Variants in BLOC1S6 observed in about 807,000 individuals in gnomAD.
BLOC1S6 encodes the protein biogenesis of lysosomal organelles complex 1 subunit 6, also known as biogenesis of lysosome-related organelles complex 1 subunit 6.
Under a neutral mutation model 24.7 loss-of-function variants are expected in BLOC1S6, and 24 were observed. The ratio of observed to expected loss-of-function variants is 0.97; its 90% CI spans 0.70 to 1.37. The LOEUF (loss-of-function observed/expected upper bound fraction) is 1.37. Ranked by LOEUF, BLOC1S6 falls within the 40% of genes most tolerant of loss-of-function variation. The pLI is 0.00. For synonymous variants in BLOC1S6, 76 were observed against 72.6 expected (o/e 1.05, Z -0.23); for missense variants, 175 against 196.2 (o/e 0.89, Z 0.64).
chr15:45,594,585 A>G (rs142283984), intron 2 of BLOC1S6, among the ~76,000 whole-genome samples: 88 of 152,206 alleles, frequency 5.8e-4, no homozygotes, highest in African/African-American at 2.1e-3. Flanking sequence ...ATTCTCTGGA[A>G]CTTTCTCCCT....
intron 2 of BLOC1S6, among the ~76,000 whole-genome samples, chr15:45,600,638 G>A (rs970765297): frequency 3.3e-5 from 5 of 152,142 alleles, no homozygotes; most frequent in Non-Finnish European, 7.4e-5. Context: ...CCAGCTTTGC[G>A]TATTTGGCAG....
chr15:45,587,695 G>A (rs747854248), intron 1 of BLOC1S6, 170 bp downstream of exon 1: 3 of 735,544 alleles, frequency 4.1e-6, no homozygotes, highest in Non-Finnish European at 7.2e-6. Context: ...CCTCTGCCCA[G>A]CGCAATGGGC....
chr15:45,602,478 A>G, intron 2 of BLOC1S6: 1 of 547,790 alleles, frequency 1.8e-6, no homozygotes. Flanking sequence ...TGAGTTTTGA[A>G]TTAGAATTGT....
At chr15:45,591,225 T>G (rs1893872818) in intron 1 of BLOC1S6, among the ~76,000 whole-genome samples, 5 of 152,144 alleles carry the variant, frequency 3.3e-5, no homozygotes, top group Admixed American at 2.6e-4. Flanking sequence ...AACACAACCC[T>G]CCTTTTACAT....
chr15:45,602,828 T>A (rs1180519866), intron 2 of BLOC1S6, among the ~76,000 whole-genome samples: 1 of 152,226 alleles, frequency 6.6e-6, no homozygotes, highest in Non-Finnish European at 1.5e-5. Context: ...CAGAGAGTTG[T>A]TAAAAGTAAC....
intron 2 of BLOC1S6, among the ~76,000 whole-genome samples, chr15:45,594,854 G>A (rs1184905645): frequency 1.3e-5 from 2 of 152,142 alleles, no homozygotes; most frequent in African/African-American, 4.8e-5. Context: ...CAGAGTCCTA[G>A]GGTTACAGGT....
chr15:45,600,080 A>G lies in BLOC1S6; in HGVS notation c.225-3020A>G, dbSNP rs1389804026. ...ATCATTCTCAGTAAACTATCGCAAG[A>G]ACAAAAAACCAAACACCGCATATTC... On this transcript the variant is annotated intron_variant, in intron 2 of 4. Coordinates refer to ENST00000220531, the MANE Select transcript of BLOC1S6 (RefSeq NM_012388.4). Among the ~76,000 whole-genome samples the G allele has an allele frequency of 4.7e-5, 7 of 148,290 alleles. No homozygotes were observed. In the South Asian group the frequency reaches 1.5e-3, roughly 32 times the overall value.
chr15:45,587,355 G>T, upstream of BLOC1S6: 1 of 1,306,698 alleles, frequency 7.7e-7, no homozygotes, highest in South Asian at 1.3e-5. Flanking sequence ...AATCTCTTCT[G>T]TCCGGCCAGC....
In BLOC1S6 at chr15:45,587,597, C is replaced by G. The variant is rs189385429; in HGVS notation, c.82+72C>G. The G allele has an allele frequency of 3.5e-5, 49 of 1,413,184 alleles. No homozygotes were observed. In the East Asian group the frequency reaches 9.9e-4, roughly 29 times the overall value. The allele number at this position is 1,413,184 out of a possible 1,614,324, so 87.5% of individuals were successfully genotyped here. On this transcript the variant is annotated intron_variant, in intron 1 of 4. Coordinates refer to ENST00000220531, the MANE Select transcript of BLOC1S6 (RefSeq NM_012388.4). ...GCGGGGACCTGAGTGAGTAGAACTC[C>G]GGAGAAACCCTGGGGGAGTAAGCGG...
At position 45,603,086 on chromosome 15, in the gene BLOC1S6, T is replaced by TA. The variant is rs1894325968; in HGVS notation, c.225-14_225-13insA. On this transcript the variant is annotated splice_polypyrimidine_tract_variant and intron_variant, in intron 2 of 4. Transcript: ENST00000220531. ...ATATGTAGAGTTTGTCTTGGCTGTG[T>TA]GTTTTTGTTTCAGACAGAACCAAGT... The TA allele has an allele frequency of 1.3e-6, 2 of 1,571,360 alleles. No homozygotes were observed. Among genetic ancestry groups the TA allele is most frequent in the Admixed American group, 3.3e-5 (2 of 59,866 alleles).
rs565893319 is a variant in BLOC1S6, at chr15:45,603,246, T to G, written c.312+59T>G. On this transcript the variant is annotated intron_variant, in intron 3 of 4. Coordinates refer to ENST00000220531, the MANE Select transcript of BLOC1S6 (RefSeq NM_012388.4). Reference sequence around the variant, plus strand: ...ATCTTGTCTTAGCAATAGCTAAGACTTAGCTAAGCAATAGCTAAGATTTTA... The same window carrying G: ...ATCTTGTCTTAGCAATAGCTAAGACGTAGCTAAGCAATAGCTAAGATTTTA... 2.0e-4 allele frequency: 220 copies of G among 1,095,388 alleles called. 1 individual carries two copies. In the East Asian group the frequency reaches 5.3e-3, roughly 27 times the overall value. The allele number at this position is 1,095,388 out of a possible 1,614,324, so 67.9% of individuals were successfully genotyped here.
Position 45,606,311 on chromosome 15 carries a change from A to C in BLOC1S6, c.400-84A>C, listed in dbSNP as rs907255220. On this transcript the variant is annotated intron_variant, in intron 4 of 4. Transcript: ENST00000220531. ...TATTAGTGTGAATGAATTACCTCAA[A>C]GCAGAGCACTGTTATTTTCAAATTA... The C allele has an allele frequency of 3.9e-6, 6 of 1,550,062 alleles. No individual in the cohort carries two copies. The African/African-American group carries it at 8.2e-5, about 21-fold the overall frequency.
Position 45,606,786 on chromosome 15 carries a change from A to G in BLOC1S6, c.*272A>G, listed in dbSNP as rs974120434. ...TTATAAACTGGAAAGTGGTTTGATT[A>G]TTGTGAGTCAAAACTCTAAGTGGTT... On this transcript the variant is annotated 3_prime_UTR_variant, in exon 5 of 5. Transcript: ENST00000220531. 1.4e-5 allele frequency: 6 copies of G among 424,294 alleles called. 1 individual carries two copies. The highest frequency in any genetic ancestry group is 1.7e-5 in the Non-Finnish European group (4 of 239,310). 26.3% of individuals were successfully genotyped at this position (424,294 alleles called of 1,614,324 possible). A position where few individuals can be genotyped will look rare whatever the true frequency, so the allele number is the denominator to read the frequency against.
chr15:45,594,308 T>A (rs931001450), intron 2 of BLOC1S6, among the ~76,000 whole-genome samples: 8 of 152,320 alleles, frequency 5.3e-5, no homozygotes, highest in South Asian at 2.1e-4. Context: ...TATATGTATT[T>A]ATCATTTTAA....
chr15:45,604,194 C>T (rs1415723187), intron 3 of BLOC1S6, among the ~76,000 whole-genome samples: 2 of 152,118 alleles, frequency 1.3e-5, no homozygotes, highest in Non-Finnish European at 2.9e-5. Flanking sequence ...CGTAGCAAGA[C>T]CCCATCTCTA....
Position 45,592,183 on chromosome 15 carries a change from T to C in BLOC1S6, c.131T>C (p.Ile44Thr), listed in dbSNP as rs374731803. The stretch of plus-strand genomic sequence containing the variant: ...GAAGGGTTAATAGAGGACTTGACTA[T>C]AGAAGACAAAGCAGTGGAGCAACTG... ...PDEGLIEDLT[I>T]EDKAVEQLAE... is the part of the protein sequence containing the mutation. The change falls in exon 2 of 5, where the codon ATA (isoleucine) becomes ACA (threonine). Residue 44 changes from isoleucine (I) to threonine (T), a missense_variant. Physicochemically the swap from Ile to Thr is moderately conservative, Grantham distance 89. Coordinates refer to ENST00000220531, the MANE Select transcript of BLOC1S6 (RefSeq NM_012388.4). The C allele has an allele frequency of 2.4e-5, 38 of 1,614,174 alleles. No individual in the cohort carries two copies. In the East Asian group the frequency reaches 4.0e-4, roughly 17 times the overall value.
intron 2 of BLOC1S6, among the ~76,000 whole-genome samples, chr15:45,595,507 T>G (rs1894039716): frequency 6.6e-6 from 1 of 152,202 alleles, no homozygotes; most frequent in Admixed American, 6.5e-5. Flanking sequence ...GTTTTAAGAG[T>G]TCTTTGTATA....
chr15:45,605,342 A>G (rs950668473), intron 3 of BLOC1S6, 86 bp from the exon 4 acceptor site: 1 of 1,092,328 alleles, frequency 9.2e-7, no homozygotes, highest in African/African-American at 1.6e-5. Context: ...GGAAGCACAA[A>G]CTATCATTTA....
intron 2 of BLOC1S6, among the ~76,000 whole-genome samples, chr15:45,596,299 G>A (rs1894074240): frequency 1.3e-5 from 2 of 152,246 alleles, no homozygotes; most frequent in Middle Eastern, 6.8e-3. Context: ...CTGGGCTCAA[G>A]TGATCCTTCC....
Sources: gnomAD v4.1 joint callset for allele counts (sites outside exome capture counted in the v4.1 genomes callset) on GRCh38, gnomAD v4.1.1 for gene constraint, MANE v1.5 for transcripts, NCBI Gene and HGNC (gene_info 2026-07-23, HGNC 2026-07-21) for gene names.